Variants in CCDC90B observed in about 807,000 individuals in gnomAD.
The protein encoded by CCDC90B is coiled-coil domain-containing protein 90B, mitochondrial.
A neutral mutation model predicts 37.0 loss-of-function variants in CCDC90B; 24 were observed. The observed-to-expected ratio is 0.65, with a 90% CI of 0.47 to 0.91. The LOEUF is 0.91. Ranked by LOEUF, CCDC90B falls within the 40% of genes least tolerant of loss-of-function variation. The pLI, the probability that CCDC90B is intolerant of heterozygous loss-of-function variation, is 0.00. For synonymous variants in CCDC90B, 113 were observed against 101.1 expected, an observed-to-expected ratio of 1.12 and a Z score of -0.71; for missense variants, 319 against 299.0, an observed-to-expected ratio of 1.07 and a Z score of -0.49.
chr11:83,280,387 CAAGTT>C, intron 1 of CCDC90B, 127 bp from the exon 2 acceptor site: 1 of 775,586 alleles, frequency 1.3e-6, no homozygotes, highest in South Asian at 1.8e-5. Flanking sequence ...TCATCTCACC[CAAGTT>C]AATTGACTCC....
chr11:83,284,792 A>G (rs549292374), intron 1 of CCDC90B, among the ~76,000 whole-genome samples: 2 of 152,342 alleles, frequency 1.3e-5, no homozygotes, highest in South Asian at 4.1e-4. Context: ...TTCATTCTCT[A>G]AGAACATTTA....
At chr11:83,277,571 C>T (rs1294539249) in intron 3 of CCDC90B, among the ~76,000 whole-genome samples, 2 of 152,102 alleles carry the variant, frequency 1.3e-5, no homozygotes, top group African/African-American at 4.8e-5. Flanking sequence ...CAACCTCCAC[C>T]TCCCCAGTTC....
intron 7 of CCDC90B, 41 bp downstream of exon 7, chr11:83,273,606 C>G (rs1864824362): frequency 6.8e-7 from 1 of 1,463,604 alleles, no homozygotes; most frequent in Non-Finnish European, 9.3e-7. Flanking sequence ...ATACAAGGCA[C>G]AAGAACTGTA....
intron 8 of CCDC90B, among the ~76,000 whole-genome samples, chr11:83,263,324 T>C (rs1268994077): frequency 6.6e-6 from 1 of 152,158 alleles, no homozygotes; most frequent in African/African-American, 2.4e-5. Context: ...GCATTTAAGT[T>C]TCTCTCTCAT....
intron 2 of CCDC90B, 56 bp from the exon 3 acceptor site, chr11:83,278,885 T>C: frequency 2.1e-6 from 2 of 966,864 alleles, no homozygotes; most frequent in Middle Eastern, 2.2e-4. Context: ...CTTATCAAAA[T>C]AGACAGCAAG....
At chr11:83,284,319 G>GA (rs1297178508) in intron 1 of CCDC90B, among the ~76,000 whole-genome samples, 9 of 152,076 alleles carry the variant, frequency 5.9e-5, no homozygotes, top group Non-Finnish European at 1.3e-4. Context: ...TTTTACTTTT[G>GA]AAAAAACAAC....
chr11:83,268,744 T>C (rs1195514381), intron 7 of CCDC90B, among the ~76,000 whole-genome samples: 1 of 152,178 alleles, frequency 6.6e-6, no homozygotes, highest in Non-Finnish European at 1.5e-5. Context: ...AACTCAGCTC[T>C]GCAACAAGCA....
rs774737868 is a variant in CCDC90B, at chr11:83,273,827, T to C, written c.506A>G (p.Asp169Gly). 4 of 1,610,222 alleles carry C rather than the reference T, an allele frequency of 2.5e-6. No homozygotes were observed. Among genetic ancestry groups the C allele is most frequent in the African/African-American group, 2.7e-5 (2 of 74,858 alleles). Residue 169 changes from aspartate (D) to glycine (G), a missense_variant, in exon 6 of 9, where the codon GAT becomes GGT. Physicochemically the swap from Asp to Gly is moderately conservative, Grantham distance 94. Transcript: ENST00000529689. ...TSRIRADNKL[D>G]INLERSRVTD... ...TACTCTGCTCCTTTCTAAGTTGATA[T>C]CCAGTTTATTATCTGCTCTGATTCG...
chr11:83,286,126 C>A lies in CCDC90B; in HGVS notation c.-154G>T, dbSNP rs1287764737. ...TCCCAGCGCAGGCGCCACCGTGGTC[C>A]CACGAAACTGGGTCTCTTCACAGAC... On this transcript the variant is annotated 5_prime_UTR_variant, in exon 1 of 9. Transcript: ENST00000529689. The A allele has an allele frequency of 2.0e-6, 3 of 1,536,206 alleles. No individual in the cohort carries two copies. Among genetic ancestry groups the A allele is most frequent in the Non-Finnish European group, 2.6e-6 (3 of 1,146,922 alleles).
rs766901640 is a variant in CCDC90B at position 83,280,275 on chromosome 11, A to C, written c.101-15T>G. On this transcript the variant is annotated splice_polypyrimidine_tract_variant and intron_variant, in intron 1 of 8. Transcript: ENST00000529689. ...AGTGAAGAACTCTGAAAGAGAAGAC[A>C]ATTTTTTTCTTTTGTAGTAACTGAT... 16 of 1,607,388 alleles carry C rather than the reference A, an allele frequency of 1.0e-5. No homozygotes were observed. Among genetic ancestry groups the C allele is most frequent in the African/African-American group, 2.7e-5 (2 of 74,516 alleles).
At chr11:83,280,065 A>T (rs1865293863) in intron 2 of CCDC90B, 76 bp downstream of exon 2, 3 of 1,420,706 alleles carry the variant, frequency 2.1e-6, no homozygotes, top group Non-Finnish European at 1.9e-6. Flanking sequence ...GATTGTTCAT[A>T]ATAGTGATAT....
At chr11:83,276,287 A>G (rs1445555969) in intron 3 of CCDC90B, among the ~76,000 whole-genome samples, 1 of 152,216 alleles carries the variant, frequency 6.6e-6, no homozygotes, top group Non-Finnish European at 1.5e-5. Flanking sequence ...TACTGAGATT[A>G]CATAGAAGTT....
chr11:83,285,962 C>CGACT lies in CCDC90B; in HGVS notation c.7_10dup (p.Arg4GlnfsTer43). 1 of 1,611,330 alleles carries CGACT rather than the reference C, an allele frequency of 6.2e-7. No individual in the cohort carries two copies. The highest frequency in any genetic ancestry group is 8.5e-7 in the Non-Finnish European group (1 of 1,178,844). On this transcript the variant is annotated frameshift_variant, in exon 1 of 9. Transcript: ENST00000529689. LOFTEE classifies it high-confidence loss of function. ...GGAGAGAAAGAGCCGCCAAGCCTGG[C>CGACT]GACTATTCATGTCCTCAGAGTTTTC...
At chr11:83,270,006 C>T (rs1178721333) in intron 7 of CCDC90B, among the ~76,000 whole-genome samples, 1 of 152,182 alleles carries the variant, frequency 6.6e-6, no homozygotes, top group African/African-American at 2.4e-5. Context: ...TCAGTATACA[C>T]AAATCAATAA....
In CCDC90B at chr11:83,261,099, T is replaced by G. The variant is rs530885375; in HGVS notation, c.*812A>C. The G allele has an allele frequency of 6.6e-6, 1 of 152,312 alleles. No homozygotes were observed. Among genetic ancestry groups the G allele is most frequent in the African/African-American group, 2.4e-5 (1 of 41,574 alleles). The allele number at this position is 152,312 out of a possible 1,614,324, so 9.4% of individuals were successfully genotyped here. A position where few individuals can be genotyped will look rare whatever the true frequency, so the allele number is the denominator to read the frequency against. On this transcript the variant is annotated 3_prime_UTR_variant, in exon 9 of 9. Coordinates refer to ENST00000529689, the MANE Select transcript of CCDC90B (RefSeq NM_021825.5). ...AATTTGCACTAAAGCACACATTTAT[T>G]TATTTAGGTAATGGAGTCTTGCTCT...
At chr11:83,285,038 A>G in intron 1 of CCDC90B, 1 of 886,196 alleles carries the variant, frequency 1.1e-6, no homozygotes, top group South Asian at 2.1e-5. Context: ...TGTGGATTAA[A>G]ATGAAACAAT....
chr11:83,286,064 C>T lies in CCDC90B; in HGVS notation c.-92G>A. ...AGGTAGTTCTGGCACCACAGGAATG[C>T]TGGGAATTGTAGTTTTCGCTCTGTC... On this transcript the variant is annotated 5_prime_UTR_variant, in exon 1 of 9. Coordinates refer to ENST00000529689, the MANE Select transcript of CCDC90B (RefSeq NM_021825.5). The T allele has an allele frequency of 6.5e-7, 1 of 1,542,488 alleles. No individual in the cohort carries two copies. The highest frequency in any genetic ancestry group is 1.2e-5 in the South Asian group (1 of 84,110).
At position 83,285,256 on chromosome 11, in the gene CCDC90B, A is replaced by T. The variant is rs757212811; in HGVS notation, c.100+617T>A. On this transcript the variant is annotated intron_variant, in intron 1 of 8. Transcript: ENST00000529689. ...ACTGGGGGTGAAAAACAACGACGAC[A>T]ACAAAAACCTAGCCCTAGAAACATT... 3.9e-6 allele frequency: 5 copies of T among 1,281,984 alleles called. No individual in the cohort carries two copies. In the South Asian group the frequency reaches 6.3e-5, roughly 16 times the overall value. The allele number at this position is 1,281,984 out of a possible 1,614,324, so 79.4% of individuals were successfully genotyped here.
intron 1 of CCDC90B, 131 bp downstream of exon 1, chr11:83,285,742 C>G (rs1434141585): frequency 3.4e-6 from 5 of 1,458,482 alleles, no homozygotes; most frequent in Non-Finnish European, 4.5e-6. Flanking sequence ...GCGGCGTCGC[C>G]CAGCACAAGG....
Sources: allele counts gnomAD v4.1 joint callset (sites outside exome capture counted in the v4.1 genomes callset), GRCh38; gene constraint gnomAD v4.1.1; transcripts MANE v1.5; gene names NCBI Gene and HGNC (gene_info 2026-07-23, HGNC 2026-07-21).